The following SLC8B1 variants were observed in gnomAD, a reference collection of about 807,000 sequenced individuals.
SLC8B1 encodes the protein solute carrier family 8 member B1.
Under a neutral mutation model 63.4 loss-of-function variants are expected in SLC8B1, and 52 were observed. The ratio of observed to expected loss-of-function variants is 0.82; its 90% confidence interval spans 0.66 to 1.03. SLC8B1 has a LOEUF of 1.03. Among genes scored for constraint, SLC8B1 ranks in the 50% least tolerant of loss-of-function variants. The probability of loss-of-function intolerance (pLI) is 0.00; values close to 1 mark genes in which losing one functional copy is unlikely to be tolerated. For synonymous variants in SLC8B1, 336 were observed against 323.9 expected, an observed-to-expected ratio of 1.04 and a Z score of -0.40; for missense variants, 657 against 741.7, an observed-to-expected ratio of 0.89 and a Z score of 1.33.
At chr12:113,306,691 A>G (rs1342721255) in intron 13 of SLC8B1, 116 bp from the exon 14 acceptor site, 3 of 827,514 alleles carry the variant, frequency 3.6e-6, no homozygotes, top group Non-Finnish European at 5.9e-6. Flanking sequence ...ATGGATGCCC[A>G]AGTGTGCCTG....
chr12:113,321,066 C>A lies in SLC8B1; in HGVS notation c.352G>T (p.Ala118Ser). 2 of 1,612,968 alleles carry A rather than the reference C, an allele frequency of 1.2e-6. No individual in the cohort carries two copies. Among genetic ancestry groups the A allele is most frequent in the South Asian group, 1.1e-5 (1 of 90,880 alleles). Residue 118 changes from alanine (A) to serine (S), a missense_variant, in exon 4 of 16, where the codon GCA (alanine) becomes TCA (serine). Coordinates refer to ENST00000680972, the MANE Select transcript of SLC8B1 (RefSeq NM_001358345.2). ...LYLFLILGVT[A>S]AKFFCPNLSA... ...CAGAGCCAAACTCACAACTTGGCTG[C>A]GGTGACTCCCAGAATCAGAAACAGG...
Position 113,306,572 on chromosome 12 carries a change from G to A in SLC8B1, c.1415C>T (p.Ala472Val), listed in dbSNP as rs781525344. The A allele has an allele frequency of 1.7e-5, 27 of 1,613,942 alleles. No individual in the cohort carries two copies. The South Asian group carries it at 3.0e-4, about 18-fold the overall frequency. Residue 472 changes from alanine (A) to valine (V), a missense_variant, in exon 14 of 16, where the codon GCC becomes GTC. By Grantham distance (64) the Ala-to-Val change is moderately conservative. Transcript: ENST00000680972. The stretch of plus-strand genomic sequence containing the variant: ...GCGAGCCAGTGTGAAATCCGAGAAG[G>A]CATCTGCACAGGAACAAGAGGGGCC... Reference protein sequence around the residue: ...LLAWGNSIGDAFSDFTLARQG... With the variant: ...LLAWGNSIGDVFSDFTLARQG...
chr12:113,325,764 C>G (rs984471928), intron 2 of SLC8B1, among the ~76,000 whole-genome samples: 1 of 151,970 alleles, frequency 6.6e-6, no homozygotes, highest in Non-Finnish European at 1.5e-5. Flanking sequence ...TGGGTTTCAC[C>G]GTGTTAGCCA....
At chr12:113,318,489 TGA>T (rs1417347711) in intron 8 of SLC8B1, among the ~76,000 whole-genome samples, 2 of 152,058 alleles carry the variant, frequency 1.3e-5, no homozygotes, top group Admixed American at 6.6e-5. Context: ...TGTACATGTG[TGA>T]GTTGTGTGTG....
chr12:113,301,820 C>CTTG lies in SLC8B1; in HGVS notation c.1558-1849_1558-1847dup, dbSNP rs1399219190. On this transcript the variant is annotated intron_variant, in intron 15 of 15. Coordinates refer to ENST00000680972, the MANE Select transcript of SLC8B1 (RefSeq NM_001358345.2). ...AACCAAGACCCTTAGACTTGACTGA[C>CTTG]TTGTCCAAGGTGCTCAGCAGCACTG... Among the ~76,000 whole-genome samples the CTTG allele has an allele frequency of 5.3e-5, 8 of 152,338 alleles. No individual in the cohort carries two copies. In the East Asian group the frequency reaches 1.5e-3, roughly 29 times the overall value.
At chr12:113,325,425 T>C (rs1956984577) in intron 2 of SLC8B1, among the ~76,000 whole-genome samples, 2 of 152,104 alleles carry the variant, frequency 1.3e-5, no homozygotes, top group African/African-American at 4.8e-5. Flanking sequence ...AGTTAATTTT[T>C]TTAAAAATTA....
Position 113,321,120 on chromosome 12 carries a change from G to T in SLC8B1, c.310-12C>A. 1.2e-6 allele frequency: 2 copies of T among 1,614,076 alleles called. No homozygotes were observed. Among genetic ancestry groups the T allele is most frequent in the Non-Finnish European group, 1.7e-6 (2 of 1,179,966 alleles). On this transcript the variant is annotated splice_polypyrimidine_tract_variant and intron_variant, in intron 3 of 15. Coordinates refer to ENST00000680972, the MANE Select transcript of SLC8B1 (RefSeq NM_001358345.2). ...AGCAGCCAGGAAACCTGGGTGGGGA[G>T]CGGGCGAGGAAGGGAGAGTCAAGTC...
rs1422211803 is a variant in SLC8B1 at position 113,307,709 on chromosome 12, A to C, written c.1393T>G (p.Trp465Gly). 6.2e-7 allele frequency: 1 copy of C among 1,613,854 alleles called. No homozygotes were observed. Among genetic ancestry groups the C allele is most frequent in the East Asian group, 2.2e-5 (1 of 44,874 alleles). The change falls in exon 13 of 16, where the codon TGG becomes GGG. Residue 465 changes from tryptophan to glycine, a missense_variant. Coordinates refer to ENST00000680972, the MANE Select transcript of SLC8B1 (RefSeq NM_001358345.2). ...GAGTCACCTCCAATGCTGTTCCCCC[A>C]GGCCAGCAGCGTGAGCCCCAGCACA... ...NTVLGLTLLA[W>G]GNSIGDAFSD...
At chr12:113,331,943 A>G (rs1001237210) in intron 2 of SLC8B1, among the ~76,000 whole-genome samples, 3 of 151,896 alleles carry the variant, frequency 2.0e-5, no homozygotes, top group African/African-American at 4.8e-5. Flanking sequence ...TTACCTCTCC[A>G]TCCTCCTCTC....
chr12:113,307,929 T>A (rs2136829712), intron 12 of SLC8B1, 85 bp from the exon 13 acceptor site: 2 of 1,488,646 alleles, frequency 1.3e-6, no homozygotes, highest in South Asian at 2.5e-5. Flanking sequence ...AACGGGATGA[T>A]AACAGTATCT....
At position 113,332,119 on chromosome 12, in the gene SLC8B1, C is replaced by T. The variant is rs191996187; in HGVS notation, c.156+604G>A. 5.8e-3 allele frequency among the ~76,000 whole-genome samples: 880 copies of T among 152,284 alleles called. 9 individuals are homozygous for T. Among genetic ancestry groups the T allele is most frequent in the African/African-American group, 0.02 (838 of 41,552 alleles). ...ATGTAGGTGGTTTCCTCTCTCCATTCGCTGGCTTGCCTCAAATATCACCCC... is the reference window on the plus strand; with the variant it reads ...ATGTAGGTGGTTTCCTCTCTCCATTTGCTGGCTTGCCTCAAATATCACCCC... On this transcript the variant is annotated intron_variant, in intron 2 of 15. Transcript: ENST00000680972.
chr12:113,307,888 C>T (rs1956698544), intron 12 of SLC8B1, 44 bp from the exon 13 acceptor site: 3 of 1,596,630 alleles, frequency 1.9e-6, no homozygotes, highest in South Asian at 2.2e-5. Context: ...CCAGCCCCAA[C>T]AGGAACACAG....
chr12:113,332,275 C>CT (rs911999873), intron 2 of SLC8B1, among the ~76,000 whole-genome samples: 8 of 152,008 alleles, frequency 5.3e-5, no homozygotes, highest in African/African-American at 1.4e-4. Context: ...GCTTACTTCT[C>CT]TTTTTTTTGT....
In SLC8B1 at chr12:113,306,549, G is replaced by A. The variant is rs538747610; in HGVS notation, c.1438C>T (p.Arg480Cys). 4.2e-5 allele frequency: 67 copies of A among 1,613,992 alleles called. No homozygotes were observed. In the South Asian group the frequency reaches 5.4e-4, roughly 13 times the overall value. Reference sequence around the variant, plus strand: ...AACGCCATCCGTGGGTAGCCCTGGCGAGCCAGTGTGAAATCCGAGAAGGCA... The same window carrying A: ...AACGCCATCCGTGGGTAGCCCTGGCAAGCCAGTGTGAAATCCGAGAAGGCA... ...GDAFSDFTLA[R>C]QGYPRMAFSA... The change falls in exon 14 of 16, where the codon CGC becomes TGC. Residue 480 changes from arginine to cysteine, a missense_variant. Transcript: ENST00000680972.
intron 2 of SLC8B1, among the ~76,000 whole-genome samples, chr12:113,328,305 AC>A (rs1226633222): frequency 6.6e-6 from 1 of 152,182 alleles, no homozygotes; most frequent in African/African-American, 2.4e-5. Context: ...CTGGGATTAC[AC>A]AGGTGGGCCA....
rs1956658356 is a variant in SLC8B1 at position 113,305,511 on chromosome 12, C to T, written c.1492+984G>A. 6.6e-6 allele frequency among the ~76,000 whole-genome samples: 1 copy of T among 152,262 alleles called. No homozygotes were observed. Among genetic ancestry groups the T allele is most frequent in the African/African-American group, 2.4e-5 (1 of 41,474 alleles). ...GCCGTGCGCCAGGCACTGTCTGGAA[C>T]CCACAACCATCTGGTTTCAAAGCTC... On this transcript the variant is annotated intron_variant, in intron 14 of 15. Coordinates refer to ENST00000680972, the MANE Select transcript of SLC8B1 (RefSeq NM_001358345.2). The surrounding 1 kb of genome is among the most constrained non-coding windows in gnomAD (Gnocchi z 4.3).
At chr12:113,308,154 T>G (rs910615079) in intron 12 of SLC8B1, 10 of 234,070 alleles carry the variant, frequency 4.3e-5, no homozygotes, top group Middle Eastern at 3.0e-3. Context: ...CGAGACCAAC[T>G]TGGCCAACAT....
chr12:113,307,382 C>T (rs565809316), intron 13 of SLC8B1, among the ~76,000 whole-genome samples: 4 of 152,212 alleles, frequency 2.6e-5, no homozygotes, highest in African/African-American at 9.6e-5. Flanking sequence ...ATGTCACACA[C>T]CCGTGTACAC....
intron 13 of SLC8B1, 107 bp from the exon 14 acceptor site, chr12:113,306,682 T>A: frequency 1.1e-6 from 1 of 906,916 alleles, no homozygotes; most frequent in South Asian, 1.5e-5. Flanking sequence ...CAAACACAGA[T>A]GGATGCCCAA....
Sources: allele counts gnomAD v4.1 joint callset (sites outside exome capture counted in the v4.1 genomes callset), GRCh38; gene constraint gnomAD v4.1.1; non-coding constraint Gnocchi (gnomAD v3.1); transcripts MANE v1.5; gene names NCBI Gene and HGNC (gene_info 2026-07-23, HGNC 2026-07-21).